Variants in CFAP54 observed in about 807,000 individuals in gnomAD.
The protein encoded by CFAP54 is cilia and flagella associated protein 54, also known as cilia- and flagella-associated protein 54.
CFAP54 carries 290 observed loss-of-function variants against 370.4 expected under a neutral mutation model. The observed-to-expected ratio is 0.78, with a 90% CI of 0.71 to 0.86. The LOEUF (loss-of-function observed/expected upper bound fraction) is 0.86. Ranked by LOEUF, CFAP54 falls within the 40% of genes least tolerant of loss-of-function variation. The probability of loss-of-function intolerance (pLI) is 0.00; values close to 1 mark genes in which losing one functional copy is unlikely to be tolerated. For synonymous variants in CFAP54, 1,206 were observed against 1,236.5 expected (o/e 0.98, Z 0.52); for missense variants, 3,399 against 3,528.7 (o/e 0.96, Z 0.93).
At chr12:96,530,707 C>T (rs546962189) in intron 9 of CFAP54, among the ~76,000 whole-genome samples, 2 of 152,254 alleles carry the variant, frequency 1.3e-5, no homozygotes, top group African/African-American at 2.4e-5. Context: ...AGTGCAATTG[C>T]TGGATTGGAT....
intron 14 of CFAP54, among the ~76,000 whole-genome samples, chr12:96,544,684 G>T (rs763203755): frequency 6.6e-6 from 1 of 152,162 alleles, no homozygotes; most frequent in Non-Finnish European, 1.5e-5. Context: ...GACAGGCCTT[G>T]CTGGGTATCT....
At chr12:96,539,078 G>GTTTTTTTTTTTTTTTTTTTTT (rs749794928) in intron 13 of CFAP54, among the ~76,000 whole-genome samples, 2 of 126,074 alleles carry the variant, frequency 1.6e-5, no homozygotes, top group Non-Finnish European at 3.3e-5. Flanking sequence ...TTTTTTTTTT[G>GTTTTTTTTTTTTTTTTTTTTT]TTTTTGTTTT....
At chr12:96,619,620 G>C (rs1315954828) in intron 26 of CFAP54, among the ~76,000 whole-genome samples, 1 of 152,074 alleles carries the variant, frequency 6.6e-6, no homozygotes, top group Non-Finnish European at 1.5e-5. Context: ...TTGGTCCTCT[G>C]TTTTTCCTTT....
rs140343831 is a variant in CFAP54 at position 96,775,751 on chromosome 12, C to T, written c.8282-8966C>T. ...TATTATATCTTTATTGTGAATGACACCCTTTAACATTATAAAGGTCCCGCT... is the reference window on the plus strand; with the variant it reads ...TATTATATCTTTATTGTGAATGACATCCTTTAACATTATAAAGGTCCCGCT... On this transcript the variant is annotated intron_variant, in intron 60 of 67. Coordinates refer to ENST00000524981, the MANE Select transcript of CFAP54 (RefSeq NM_001306084.2). Among the ~76,000 whole-genome samples, 895 of 152,232 alleles carry T rather than the reference C, an allele frequency of 5.9e-3. 7 individuals carry two copies. The highest frequency in any genetic ancestry group is 0.017 in the Middle Eastern group (5 of 294).
At chr12:96,538,026 G>C (rs576291400) in intron 12 of CFAP54, among the ~76,000 whole-genome samples, 1 of 152,140 alleles carries the variant, frequency 6.6e-6, no homozygotes, top group Non-Finnish European at 1.5e-5. Flanking sequence ...GGGATGTGGA[G>C]GTGAGATTGC....
chr12:96,829,457 TTCA>T (rs1959163231), intron 66 of CFAP54, among the ~76,000 whole-genome samples: 1 of 152,110 alleles, frequency 6.6e-6, no homozygotes, highest in Admixed American at 6.6e-5. Context: ...ACTTGCTTTT[TTCA>T]TCGAATAATA....
At chr12:96,516,661 TA>T (rs1390706705) in intron 5 of CFAP54, among the ~76,000 whole-genome samples, 11 of 152,212 alleles carry the variant, frequency 7.2e-5, no homozygotes, top group Non-Finnish European at 1.6e-4. Context: ...AAAACTGTAG[TA>T]TAGTACTCAG....
At chr12:96,652,823 C>T (rs10777803) in intron 36 of CFAP54, among the ~76,000 whole-genome samples, 3 of 151,988 alleles carry the variant, frequency 2.0e-5, no homozygotes, top group African/African-American at 7.3e-5. Context: ...AGAACAATAA[C>T]GATAAAAAAG....
intron 25 of CFAP54, among the ~76,000 whole-genome samples, chr12:96,598,365 T>C (rs73375962): frequency 0.048 from 7,320 of 152,168 alleles, 295 homozygotes; most frequent in South Asian, 0.23. Flanking sequence ...ATACCTTTTA[T>C]GATACTTATC....
At chr12:96,527,173 A>G in intron 8 of CFAP54, 73 bp from the exon 9 acceptor site, 3 of 1,304,710 alleles carry the variant, frequency 2.3e-6, no homozygotes, top group East Asian at 2.6e-5. Context: ...TTGGGATTAT[A>G]GGCATGAGCC....
intron 14 of CFAP54, 68 bp downstream of exon 14, chr12:96,541,055 G>A: frequency 3.0e-6 from 3 of 1,015,704 alleles, no homozygotes; most frequent in South Asian, 2.7e-5. Context: ...ATCAAATGCA[G>A]GATAACTCCT....
chr12:96,855,845 G>A (rs1011672376), intron 66 of CFAP54, among the ~76,000 whole-genome samples: 3 of 152,238 alleles, frequency 2.0e-5, no homozygotes, highest in African/African-American at 7.2e-5. Flanking sequence ...CCACTAGGCA[G>A]TGCCCCAGTG....
chr12:96,782,348 G>T (rs1451801926), intron 60 of CFAP54, among the ~76,000 whole-genome samples: 1 of 152,066 alleles, frequency 6.6e-6, no homozygotes, highest in East Asian at 1.9e-4. Flanking sequence ...AAAGAAATAA[G>T]AAGTACAAAG....
chr12:96,724,665 A>G (rs1957807231), intron 50 of CFAP54, among the ~76,000 whole-genome samples: 1 of 151,986 alleles, frequency 6.6e-6, no homozygotes, highest in Admixed American at 6.6e-5. Context: ...GCTGTGCAGA[A>G]GCTCTTTAGT....
chr12:96,607,762 T>A (rs1956315955), intron 26 of CFAP54, among the ~76,000 whole-genome samples: 1 of 152,072 alleles, frequency 6.6e-6, no homozygotes, highest in Non-Finnish European at 1.5e-5. Context: ...GAACATTTAT[T>A]TGCAATGGAA....
chr12:96,868,231 G>T lies in CFAP54; in HGVS notation c.*15-6887G>T, dbSNP rs182907854. On this transcript the variant is annotated intron_variant, in intron 67 of 67. Coordinates refer to ENST00000524981, the MANE Select transcript of CFAP54 (RefSeq NM_001306084.2). The stretch of plus-strand genomic sequence containing the variant: ...ATAGCTGTCCTCTCCTTGAGGTCAG[G>T]GACCAAAGTAGGTAGATTTCAAGGA... Among the ~76,000 whole-genome samples, 8 of 151,836 alleles carry T rather than the reference G, an allele frequency of 5.3e-5. No individual in the cohort carries two copies. The East Asian group carries it at 5.8e-4, about 11-fold the overall frequency.
At chr12:96,669,355 G>A (rs1055466184) in intron 39 of CFAP54, among the ~76,000 whole-genome samples, 1 of 152,228 alleles carries the variant, frequency 6.6e-6, no homozygotes, top group Admixed American at 6.5e-5. Flanking sequence ...CCCAAAGGCC[G>A]AGAAGTGTTA....
chr12:96,540,970 A>G lies in CFAP54; in HGVS notation c.2060A>G (p.Lys687Arg), dbSNP rs1256295270. 9.3e-6 allele frequency: 14 copies of G among 1,505,164 alleles called. No homozygotes were observed. The highest frequency in any genetic ancestry group is 1.2e-5 in the Non-Finnish European group (14 of 1,136,372). 93.2% of individuals were successfully genotyped at this position (1,505,164 alleles called of 1,614,324 possible). Reference sequence around the variant, plus strand: ...GAATCTTTAGGAAGCCCAGGAAGAAAATTTAAACAATCTCTAGGTAAAATG... The same window carrying G: ...GAATCTTTAGGAAGCCCAGGAAGAAGATTTAAACAATCTCTAGGTAAAATG... ...ILESLGSPGR[K>R]FKQSLDVPLR... The change falls in exon 14 of 68, where the codon AAA (lysine) becomes AGA (arginine). Residue 687 changes from lysine to arginine, a missense_variant. By Grantham distance (26) the Lys-to-Arg change is conservative. Around this residue, in one of 3 missense-constraint regions of CFAP54, gnomAD observed 2,796 missense variants for 2,869.7 expected, o/e 0.97. Transcript: ENST00000524981.
rs550019393 is a variant in CFAP54, at chr12:96,697,978, T to C, written c.6352-1993T>C. ...GTATGGCCTCTACACTAAGGTCCCT[T>C]AGCAGATTTTCATGTCTGTCTCCTT... On this transcript the variant is annotated intron_variant, in intron 45 of 67. Transcript: ENST00000524981. Among the ~76,000 whole-genome samples, 9 of 152,354 alleles carry C rather than the reference T, an allele frequency of 5.9e-5. No individual in the cohort carries two copies. The South Asian group carries it at 1.9e-3, about 32-fold the overall frequency.
Sources: allele counts gnomAD v4.1 joint callset (sites outside exome capture counted in the v4.1 genomes callset), GRCh38; gene constraint gnomAD v4.1.1; regional missense constraint gnomAD v4.1.1; transcripts MANE v1.5; gene names NCBI Gene and HGNC (gene_info 2026-07-23, HGNC 2026-07-21).